The following MACO1 variants were observed in gnomAD, a reference collection of about 807,000 sequenced individuals.
MACO1 encodes macoilin 1.
MACO1 carries 14 observed loss-of-function variants against 78.7 expected under a neutral mutation model. That is an observed-to-expected ratio of 0.18 (90% CI 0.12 to 0.28). The LOEUF (loss-of-function observed/expected upper bound fraction) is 0.28, where lower values mean the gene tolerates loss of function less well. Ranked by LOEUF, MACO1 falls within the 10% of genes least tolerant of loss-of-function variation. The probability of loss-of-function intolerance (pLI) is 1.00; values close to 1 mark genes in which losing one functional copy is unlikely to be tolerated. For missense variants in MACO1, 501 were observed against 799.0 expected (o/e 0.63, Z 4.50); for synonymous variants, 288 against 291.6 (o/e 0.99, Z 0.12).
intron 1 of MACO1, among the ~76,000 whole-genome samples, chr1:25,440,132 A>G (rs35148262): frequency 0.43 from 64,736 of 151,134 alleles, 15,330 homozygotes; most frequent in Non-Finnish European, 0.54. Context: ...TCATGCCTGT[A>G]GTCCCAACAC....
rs2043558092 is a variant in MACO1, at chr1:25,498,563, T to C, written c.*97T>C. The C allele has an allele frequency of 8.4e-7, 1 of 1,193,810 alleles. No individual in the cohort carries two copies. Among genetic ancestry groups the C allele is most frequent in the Non-Finnish European group, 1.2e-6 (1 of 845,022 alleles). The allele number at this position is 1,193,810 out of a possible 1,614,324, so 74.0% of individuals were successfully genotyped here. ...AGATAAAAAAACAGTTTCTATTGTA[T>C]TTTGTGGAACTGTATCTGTTGTCAT... On this transcript the variant is annotated 3_prime_UTR_variant, in exon 11 of 11. Transcript: ENST00000374343.
At chr1:25,484,074 G>A in intron 6 of MACO1, 42 bp from the exon 7 acceptor site, 1 of 1,570,736 alleles carries the variant, frequency 6.4e-7, no homozygotes, top group Non-Finnish European at 8.6e-7. Flanking sequence ...CTCTGTGGGT[G>A]CCCTCACCTA....
At chr1:25,438,816 T>G (rs2042942284) in intron 1 of MACO1, among the ~76,000 whole-genome samples, 1 of 152,100 alleles carries the variant, frequency 6.6e-6, no homozygotes, top group South Asian at 2.1e-4. Context: ...GGAGAACTGC[T>G]TGAACCCAGG....
intron 6 of MACO1, among the ~76,000 whole-genome samples, chr1:25,476,228 C>A (rs527403645): frequency 6.2e-4 from 94 of 152,316 alleles, no homozygotes; most frequent in African/African-American, 2.2e-3. Context: ...CTCTAGAATT[C>A]TTTTCTGTCT....
At chr1:25,475,922 TTGG>T (rs1048338123) in intron 6 of MACO1, among the ~76,000 whole-genome samples, 1 of 152,210 alleles carries the variant, frequency 6.6e-6, no homozygotes, top group African/African-American at 2.4e-5. Context: ...ATATTCTTCA[TTGG>T]TGATTTTTTA....
intron 4 of MACO1, 104 bp downstream of exon 4, chr1:25,454,486 A>AT (rs1365517608): frequency 1.7e-4 from 25 of 143,480 alleles, no homozygotes; most frequent in Non-Finnish European, 2.0e-4. Context: ...ATATATATAT[A>AT]TATTTTTTTT....
chr1:25,459,015 GTT>G, intron 6 of MACO1, 123 bp downstream of exon 6: 1 of 1,271,766 alleles, frequency 7.9e-7, no homozygotes, highest in Non-Finnish European at 1.1e-6. Flanking sequence ...GACGTGTGGT[GTT>G]TTACATGAGT....
At chr1:25,469,566 T>G (rs1265224842) in intron 6 of MACO1, among the ~76,000 whole-genome samples, 5 of 152,146 alleles carry the variant, frequency 3.3e-5, no homozygotes, top group African/African-American at 1.2e-4. Context: ...ATTCACAGAC[T>G]TTCATACTTC....
chr1:25,478,705 T>G lies in MACO1; in HGVS notation c.1155-5411T>G, dbSNP rs145204277. 5.7e-3 allele frequency among the ~76,000 whole-genome samples: 868 copies of G among 152,356 alleles called. 7 individuals carry two copies. The highest frequency in any genetic ancestry group is 0.018 in the African/African-American group (735 of 41,566). ...TTATCAGTAAAGTGAGTAGGAAAAG[T>G]TGCCTGGACCTGATGTGTAATAATT... On this transcript the variant is annotated intron_variant, in intron 6 of 10. Transcript: ENST00000374343.
chr1:25,499,111 T>C lies in MACO1; in HGVS notation c.*645T>C, dbSNP rs1473415539. Reference sequence around the variant, plus strand: ...TTTGAAATATTTATATTCCCATCGGTGTGTTTAGTCCTAGAAAATTGCTAG... The same window carrying C: ...TTTGAAATATTTATATTCCCATCGGCGTGTTTAGTCCTAGAAAATTGCTAG... On this transcript the variant is annotated 3_prime_UTR_variant, in exon 11 of 11. Transcript: ENST00000374343. 2.0e-5 allele frequency: 3 copies of C among 152,232 alleles called. No individual in the cohort carries two copies. The highest frequency in any genetic ancestry group is 4.4e-5 in the Non-Finnish European group (3 of 68,048). 9.4% of individuals were successfully genotyped at this position (152,232 alleles called of 1,614,324 possible).
At chr1:25,494,297 G>A (rs758627765) in intron 10 of MACO1, among the ~76,000 whole-genome samples, 42 of 152,304 alleles carry the variant, frequency 2.8e-4, no homozygotes, top group African/African-American at 9.9e-4. Context: ...GGAAGGCCTC[G>A]TGAAGGAGGG....
At chr1:25,467,285 C>T (rs930839013) in intron 6 of MACO1, among the ~76,000 whole-genome samples, 1 of 152,110 alleles carries the variant, frequency 6.6e-6, no homozygotes, top group Admixed American at 6.6e-5. Context: ...AAATCACTCT[C>T]TAAGATCAGG....
intron 1 of MACO1, among the ~76,000 whole-genome samples, chr1:25,432,447 C>T (rs1035028405): frequency 1.3e-5 from 2 of 152,288 alleles, no homozygotes; most frequent in Admixed American, 6.5e-5. Context: ...TTCATTCATT[C>T]ATCAGTTATA....
chr1:25,474,447 A>G (rs1334713354), intron 6 of MACO1, among the ~76,000 whole-genome samples: 3 of 152,312 alleles, frequency 2.0e-5, no homozygotes, highest in Admixed American at 2.0e-4. Flanking sequence ...GGTAAATCCT[A>G]TGAACTAATC....
chr1:25,488,290 G>A (rs761894930), intron 8 of MACO1, among the ~76,000 whole-genome samples: 5 of 152,068 alleles, frequency 3.3e-5, no homozygotes, highest in Non-Finnish European at 7.4e-5. Context: ...GGCTCAAGCA[G>A]TCCTCCCACC....
chr1:25,457,068 T>C (rs1245077578), intron 5 of MACO1, among the ~76,000 whole-genome samples: 2 of 151,656 alleles, frequency 1.3e-5, no homozygotes, highest in African/African-American at 2.4e-5. Flanking sequence ...AAAATATATT[T>C]ATATCTTTTT....
intron 5 of MACO1, among the ~76,000 whole-genome samples, chr1:25,457,207 G>A (rs1406318284): frequency 6.6e-6 from 1 of 151,978 alleles, no homozygotes; most frequent in Non-Finnish European, 1.5e-5. Context: ...TGGGAGCAAA[G>A]TAATCCTCCC....
In MACO1 at chr1:25,454,402, ATGTGTG is replaced by A; in HGVS notation, c.473+30_473+35del. On this transcript the variant is annotated intron_variant, in intron 4 of 10. Transcript: ENST00000374343. ...TCACTGGTAAGTATTACATAAATGT[ATGTGTG>A]TGTGTGTGTATATGTGTGTATGTAT... 1.3e-6 allele frequency: 2 copies of A among 1,538,662 alleles called. No homozygotes were observed. Among genetic ancestry groups the A allele is most frequent in the Non-Finnish European group, 1.8e-6 (2 of 1,136,660 alleles).
intron 6 of MACO1, among the ~76,000 whole-genome samples, chr1:25,465,716 T>C (rs2043213423): frequency 6.6e-6 from 1 of 152,232 alleles, no homozygotes; most frequent in South Asian, 2.1e-4. Flanking sequence ...TTCACCCAAA[T>C]AATATACATT....
Sources: gnomAD v4.1 joint callset for allele counts (sites outside exome capture counted in the v4.1 genomes callset) on GRCh38, gnomAD v4.1.1 for gene constraint, MANE v1.5 for transcripts, NCBI Gene and HGNC (gene_info 2026-07-23, HGNC 2026-07-21) for gene names.